Variants in CRPPA observed in about 807,000 individuals in gnomAD.
CRPPA encodes CDP-L-ribitol pyrophosphorylase A, also known as D-ribitol-5-phosphate cytidylyltransferase.
Under a neutral mutation model 52.0 loss-of-function variants are expected in CRPPA, and 43 were observed. The observed-to-expected ratio is 0.83, with a 90% confidence interval of 0.65 to 1.07. CRPPA has a LOEUF of 1.07. Among genes scored for constraint, CRPPA ranks in the 50% least tolerant of loss-of-function variants. CRPPA has a pLI of 0.00. For synonymous variants in CRPPA, 250 were observed against 203.5 expected (o/e 1.23, Z -1.94); for missense variants, 629 against 551.7 (o/e 1.14, Z -1.40).
chr7:16,225,650 A>G (rs1199130773), intron 8 of CRPPA, among the ~76,000 whole-genome samples: 1 of 151,932 alleles, frequency 6.6e-6, no homozygotes, highest in Admixed American at 6.6e-5. Flanking sequence ...TTTACATTAT[A>G]AAAACTAATA....
intron 8 of CRPPA, among the ~76,000 whole-genome samples, chr7:16,255,298 A>T (rs1339412267): frequency 1.3e-5 from 2 of 152,218 alleles, no homozygotes; most frequent in Non-Finnish European, 2.9e-5. Flanking sequence ...AAGAGGACAC[A>T]AACGATTGGA....
chr7:16,104,638 C>T (rs1039258423), intron 9 of CRPPA, among the ~76,000 whole-genome samples: 6 of 152,280 alleles, frequency 3.9e-5, no homozygotes, highest in African/African-American at 4.8e-5. Flanking sequence ...CAGTGGCTCA[C>T]GCCTGTAATC....
intron 9 of CRPPA, among the ~76,000 whole-genome samples, chr7:16,125,615 C>T (rs1314661688): frequency 6.6e-6 from 1 of 151,916 alleles, no homozygotes; most frequent in African/African-American, 2.4e-5. Context: ...TAGTAATGGA[C>T]CCCCCTCGTA....
intron 8 of CRPPA, among the ~76,000 whole-genome samples, chr7:16,224,025 A>G (rs948395024): frequency 1.3e-5 from 2 of 152,176 alleles, no homozygotes; most frequent in African/African-American, 2.4e-5. Flanking sequence ...CCCCCACAAA[A>G]AAGAATATCT....
At chr7:16,331,607 T>G (rs149157046) in intron 3 of CRPPA, among the ~76,000 whole-genome samples, 1 of 152,284 alleles carries the variant, frequency 6.6e-6, no homozygotes, top group Non-Finnish European at 1.5e-5. Flanking sequence ...TTCCAGTAGT[T>G]AGACAGGATG....
intron 9 of CRPPA, among the ~76,000 whole-genome samples, chr7:16,210,771 C>A (rs963228363): frequency 2.0e-5 from 3 of 152,020 alleles, no homozygotes; most frequent in Admixed American, 6.6e-5. Flanking sequence ...TTAAAAATTT[C>A]CATGGCAGTA....
At chr7:16,218,828 C>T (rs1263901375) in intron 8 of CRPPA, among the ~76,000 whole-genome samples, 3 of 146,658 alleles carry the variant, frequency 2.0e-5, no homozygotes, top group African/African-American at 7.6e-5. Flanking sequence ...CTTAGACTCC[C>T]ACACATTAAT....
At chr7:16,367,227 G>A (rs1019506291) in intron 3 of CRPPA, among the ~76,000 whole-genome samples, 1 of 151,184 alleles carries the variant, frequency 6.6e-6, no homozygotes. Flanking sequence ...CTTGCTCCCT[G>A]TGCCCACTGT....
rs577908262 is a variant in CRPPA at position 16,116,073 on chromosome 7, G to A, written c.1252-24274C>T. Among the ~76,000 whole-genome samples, 10 of 152,158 alleles carry A rather than the reference G, an allele frequency of 6.6e-5. No individual in the cohort carries two copies. The South Asian group carries it at 8.3e-4, about 13-fold the overall frequency. ...GTGTAATGGTATGATTAAAAATCGG[G>A]ATATTTACATAGTTTCCAAATATTT... On this transcript the variant is annotated intron_variant, in intron 9 of 9. Transcript: ENST00000407010.
At position 16,091,718 on chromosome 7, in the gene CRPPA, T is replaced by C. The variant is rs533499759; in HGVS notation, c.1333A>G (p.Ile445Val). The part of the protein sequence containing the change: ...SLIKERNSGL[I>V]GQLLIA ...CTTCATGCTATCAGAAGCTGACCAATGAGTCCAGAATTTCTTTCCTTGATT... is the reference window on the plus strand; with the variant it reads ...CTTCATGCTATCAGAAGCTGACCAACGAGTCCAGAATTTCTTTCCTTGATT... The change falls in exon 10 of 10, where the codon ATT becomes GTT. Residue 445 changes from isoleucine to valine, a missense_variant. By Grantham distance (29) the Ile-to-Val change is conservative (BLOSUM62 3). Coordinates refer to ENST00000407010, the MANE Select transcript of CRPPA (RefSeq NM_001101426.4). 8.3e-6 allele frequency: 13 copies of C among 1,558,100 alleles called. No homozygotes were observed. The South Asian group carries it at 1.1e-4, about 13-fold the overall frequency.
chr7:16,091,569 C>T lies in CRPPA; in HGVS notation c.*126G>A, dbSNP rs1453689172. 4 of 603,468 alleles carry T rather than the reference C, an allele frequency of 6.6e-6. No homozygotes were observed. The East Asian group carries it at 9.5e-5, about 14-fold the overall frequency. The allele number at this position is 603,468 out of a possible 1,614,324, so 37.4% of individuals were successfully genotyped here. A position where few individuals can be genotyped will look rare whatever the true frequency, so the allele number is the denominator to read the frequency against. On this transcript the variant is annotated 3_prime_UTR_variant, in exon 10 of 10. Coordinates refer to ENST00000407010, the MANE Select transcript of CRPPA (RefSeq NM_001101426.4). Reference sequence around the variant, plus strand: ...CTGCTTTATAATCTAAGCATCACATCCTACAAATTATAGAGAAGATATAAA... The same window carrying T: ...CTGCTTTATAATCTAAGCATCACATTCTACAAATTATAGAGAAGATATAAA...
chr7:16,126,509 C>G lies in CRPPA; in HGVS notation c.1252-34710G>C, dbSNP rs149544701. Reference sequence around the variant, plus strand: ...CATGAAAGGAAGTCAGTGAATTTAACAAATATTCAAAGAAAGTGTTGGTAT... The same window carrying G: ...CATGAAAGGAAGTCAGTGAATTTAAGAAATATTCAAAGAAAGTGTTGGTAT... On this transcript the variant is annotated intron_variant, in intron 9 of 9. Transcript: ENST00000407010. Among the ~76,000 whole-genome samples the G allele has an allele frequency of 1.6e-4, 24 of 152,106 alleles. No individual in the cohort carries two copies. In the East Asian group the frequency reaches 4.6e-3, roughly 29 times the overall value.
At chr7:16,275,983 A>T (rs1405525187) in intron 6 of CRPPA, among the ~76,000 whole-genome samples, 1 of 152,044 alleles carries the variant, frequency 6.6e-6, no homozygotes, top group Non-Finnish European at 1.5e-5. Context: ...AAGCTAAAAG[A>T]AATTAAGAAA....
intron 3 of CRPPA, among the ~76,000 whole-genome samples, chr7:16,319,965 G>A (rs1160881714): frequency 2.0e-5 from 3 of 152,172 alleles, no homozygotes; most frequent in Non-Finnish European, 2.9e-5. Context: ...CCTGGACTTT[G>A]AGAATTCTAC....
At chr7:16,400,659 T>C (rs911678088) in intron 2 of CRPPA, among the ~76,000 whole-genome samples, 11 of 152,174 alleles carry the variant, frequency 7.2e-5, no homozygotes, top group South Asian at 2.1e-4. Context: ...GACTGACACG[T>C]GTCCATAACC....
At chr7:16,249,198 G>A (rs146999232) in intron 8 of CRPPA, among the ~76,000 whole-genome samples, 254 of 152,258 alleles carry the variant, frequency 1.7e-3, no homozygotes, top group Non-Finnish European at 3.1e-3. Context: ...TCTGGGCAGG[G>A]CATCTCTGAA....
intron 1 of CRPPA, 82 bp from the exon 2 acceptor site, chr7:16,406,419 T>A (rs1458772374): frequency 4.9e-6 from 6 of 1,216,184 alleles, no homozygotes; most frequent in Non-Finnish European, 7.0e-6. Flanking sequence ...TCACTAGTAT[T>A]GGTATATTTA....
rs75932391 is a variant in CRPPA at position 16,387,901 on chromosome 7, T to C, written c.535-11660A>G. 3.0e-3 allele frequency among the ~76,000 whole-genome samples: 455 copies of C among 152,310 alleles called. 2 individuals carry two copies. The highest frequency in any genetic ancestry group is 0.01 in the African/African-American group (431 of 41,570). On this transcript the variant is annotated intron_variant, in intron 2 of 9. Transcript: ENST00000407010. Reference sequence around the variant, plus strand: ...CCATATGCTGGACCATAAAACAAGTTATAAGAGGATCAAAATCATACCAAG... The same window carrying C: ...CCATATGCTGGACCATAAAACAAGTCATAAGAGGATCAAAATCATACCAAG...
At chr7:16,182,063 A>T (rs776103895) in intron 9 of CRPPA, among the ~76,000 whole-genome samples, 72 of 152,148 alleles carry the variant, frequency 4.7e-4, no homozygotes, top group Non-Finnish European at 9.0e-4. Context: ...AATATTTACC[A>T]GTGAGCAATA....
Sources: gnomAD v4.1 joint callset for allele counts (sites outside exome capture counted in the v4.1 genomes callset) on GRCh38, gnomAD v4.1.1 for gene constraint, MANE v1.5 for transcripts, NCBI Gene and HGNC (gene_info 2026-07-23, HGNC 2026-07-21) for gene names.